MSI2: variants seen among roughly 807,000 people sequenced by gnomAD.
MSI2 encodes RNA-binding protein Musashi homolog 2.
Under a neutral mutation model 45.6 loss-of-function variants are expected in MSI2, and 17 were observed. The ratio of observed to expected loss-of-function variants is 0.37; its 90% confidence interval spans 0.26 to 0.56. The LOEUF (loss-of-function observed/expected upper bound fraction) is 0.56. MSI2 is among the 20% of genes least tolerant of loss of function. The pLI is 0.77. For synonymous variants in MSI2, 156 were observed against 158.2 expected, an observed-to-expected ratio of 0.99 and a Z score of 0.11; for missense variants, 293 against 444.2, an observed-to-expected ratio of 0.66 and a Z score of 3.06.
intron 5 of MSI2, among the ~76,000 whole-genome samples, chr17:57,335,003 A>G (rs1914583907): frequency 6.6e-6 from 1 of 151,864 alleles, no homozygotes; most frequent in African/African-American, 2.4e-5. Context: ...TAGTTAATTT[A>G]AAATAAGCAT....
intron 7 of MSI2, among the ~76,000 whole-genome samples, chr17:57,592,785 T>C (rs560416287): frequency 6.6e-6 from 1 of 152,306 alleles, no homozygotes; most frequent in African/African-American, 2.4e-5. Context: ...GGTGCAACAG[T>C]CTGCATTTTA....
chr17:57,409,845 A>G (rs1231166639), intron 6 of MSI2, among the ~76,000 whole-genome samples: 1 of 151,808 alleles, frequency 6.6e-6, no homozygotes, highest in Non-Finnish European at 1.5e-5. Flanking sequence ...TGTCTCTACT[A>G]AAAATACAAA....
intron 7 of MSI2, among the ~76,000 whole-genome samples, chr17:57,587,954 C>T (rs1904464542): frequency 6.6e-6 from 1 of 152,126 alleles, no homozygotes; most frequent in African/African-American, 2.4e-5. Flanking sequence ...TTACAGCAAC[C>T]AGCTGCCAAA....
chr17:57,538,297 A>G (rs1406630235), intron 7 of MSI2, among the ~76,000 whole-genome samples: 3 of 152,142 alleles, frequency 2.0e-5, no homozygotes, highest in Non-Finnish European at 4.4e-5. Flanking sequence ...TAAGGTTCCT[A>G]GAGGGGTCCC....
intron 5 of MSI2, among the ~76,000 whole-genome samples, chr17:57,388,981 C>CTT (rs1251175262): frequency 1.1e-4 from 13 of 113,840 alleles, no homozygotes; most frequent in African/African-American, 4.3e-4. Flanking sequence ...TCTTCTTCTT[C>CTT]TTTTTTTTTT....
At chr17:57,340,391 G>A (rs940086126) in intron 5 of MSI2, among the ~76,000 whole-genome samples, 7 of 152,222 alleles carry the variant, frequency 4.6e-5, no homozygotes, top group African/African-American at 1.7e-4. Context: ...TGGAGGTACA[G>A]TGTCAACACT....
intron 8 of MSI2, among the ~76,000 whole-genome samples, chr17:57,613,298 GA>G (rs1419541003): frequency 6.6e-6 from 1 of 152,156 alleles, no homozygotes; most frequent in Admixed American, 6.5e-5. Flanking sequence ...AAAAGTCAGT[GA>G]CATTTGCTGT....
intron 6 of MSI2, among the ~76,000 whole-genome samples, chr17:57,467,204 G>C (rs562869724): frequency 1.3e-5 from 2 of 152,220 alleles, no homozygotes; most frequent in African/African-American, 4.8e-5. Flanking sequence ...TGCTCCTCCT[G>C]GGAGAACTGT....
At chr17:57,453,114 C>T (rs1311827903) in intron 6 of MSI2, among the ~76,000 whole-genome samples, 2 of 151,628 alleles carry the variant, frequency 1.3e-5, no homozygotes, top group Non-Finnish European at 2.9e-5. Flanking sequence ...AGTGATTCTG[C>T]CGCAGCCTCC....
chr17:57,616,761 G>C (rs995333062), intron 9 of MSI2: 1 of 152,168 alleles, frequency 6.6e-6, no homozygotes, highest in Non-Finnish European at 1.5e-5. Context: ...GTCCTGCGTA[G>C]ATAATTGAAA....
chr17:57,427,109 A>G (rs16958369), intron 6 of MSI2, among the ~76,000 whole-genome samples: 5,381 of 152,328 alleles, frequency 0.035, 111 homozygotes, highest in Middle Eastern at 0.085. Context: ...CATGAATAAA[A>G]GCAGAGGCCA....
In MSI2 at chr17:57,357,081, G is replaced by C. The variant is rs373435876; in HGVS notation, c.313-44298G>C. 4.0e-4 allele frequency among the ~76,000 whole-genome samples: 61 copies of C among 152,182 alleles called. No homozygotes were observed. The South Asian group carries it at 0.012, about 31-fold the overall frequency. ...TGATTTGTTCTCATCTTGTGTGCTC[G>C]AGAGCTTGCTCTCTCCTTAATGATT... On this transcript the variant is annotated intron_variant, in intron 5 of 13. Coordinates refer to ENST00000284073, the MANE Select transcript of MSI2 (RefSeq NM_138962.4).
the MSI2 span, among the ~76,000 whole-genome samples, chr17:57,698,073 A>G: frequency 6.6e-6 from 1 of 151,802 alleles, no homozygotes; most frequent in Admixed American, 6.6e-5. Flanking sequence ...TCCCACAGAC[A>G]CCCTCTCAGC....
chr17:57,685,943 C>G (rs1913867303), downstream of MSI2, among the ~76,000 whole-genome samples: 1 of 152,212 alleles, frequency 6.6e-6, no homozygotes, highest in African/African-American at 2.4e-5. Context: ...GCCCAGGAGC[C>G]TAAGGAGAGA....
At chr17:57,355,914 C>A (rs949614892) in intron 5 of MSI2, among the ~76,000 whole-genome samples, 1 of 152,206 alleles carries the variant, frequency 6.6e-6, no homozygotes, top group Non-Finnish European at 1.5e-5. Context: ...GCTATGTTTC[C>A]CAGGCTAGAG....
At chr17:57,616,269 G>T (rs1598455486) in intron 9 of MSI2, 185 bp downstream of exon 9, 1 of 568,906 alleles carries the variant, frequency 1.8e-6, no homozygotes, top group East Asian at 2.9e-5. Flanking sequence ...GTGGGTGTGT[G>T]TGTGTGCATG....
At chr17:57,559,030 C>G (rs1298487353) in intron 7 of MSI2, among the ~76,000 whole-genome samples, 1 of 152,064 alleles carries the variant, frequency 6.6e-6, no homozygotes, top group Non-Finnish European at 1.5e-5. Context: ...CCACTGCACT[C>G]CAGCCTGGAT....
At chr17:57,658,680 C>T (rs992020195) in intron 11 of MSI2, among the ~76,000 whole-genome samples, 11 of 152,228 alleles carry the variant, frequency 7.2e-5, no homozygotes, top group African/African-American at 2.7e-4. Context: ...ATAAGTTAAT[C>T]CTAAAGTGAA....
At chr17:57,637,399 G>A (rs1026120751) in intron 10 of MSI2, among the ~76,000 whole-genome samples, 11 of 152,336 alleles carry the variant, frequency 7.2e-5, no homozygotes, top group Admixed American at 3.3e-4. Flanking sequence ...AGCAGAGCAC[G>A]GTGCCTAATA....
Sources: gnomAD v4.1 joint callset for allele counts (sites outside exome capture counted in the v4.1 genomes callset) on GRCh38, gnomAD v4.1.1 for gene constraint, MANE v1.5 for transcripts, NCBI Gene and HGNC (gene_info 2026-07-23, HGNC 2026-07-21) for gene names.